Variants in CD163 observed in about 807,000 individuals in gnomAD.
CD163 encodes the protein scavenger receptor cysteine-rich type 1 protein M130.
Under a neutral mutation model 129.2 loss-of-function variants are expected in CD163, and 64 were observed. That is an observed-to-expected ratio of 0.50 (90% CI 0.41 to 0.61). The LOEUF is 0.61. Ranked by LOEUF, CD163 falls within the 20% of genes least tolerant of loss-of-function variation. CD163 has a pLI of 0.00. For synonymous variants in CD163, 446 were observed against 478.5 expected (o/e 0.93, Z 0.89); for missense variants, 1,061 against 1,377.9 (o/e 0.77, Z 3.64).
At position 7,486,979 on chromosome 12, in the gene CD163, C is replaced by T; in HGVS notation, c.2058G>A (p.Gln686=). ...QVASVICSGN[Q]SQTLSSCNSS... ...AATTGCACGAGGACAGTGTTTGGGA[C>T]TGGTTTCCTGCAAACACCAAGGTAC... The change falls in exon 9 of 17, where the codon CAG becomes CAA. Residue 686 remains glutamine, a synonymous_variant. Coordinates refer to ENST00000432237, the MANE Select transcript of CD163 (RefSeq NM_203416.4). The T allele has an allele frequency of 6.2e-7, 1 of 1,613,660 alleles. No individual in the cohort carries two copies. Among genetic ancestry groups the T allele is most frequent in the Admixed American group, 1.7e-5 (1 of 59,990 alleles).
Position 7,487,085 on chromosome 12 carries a change from A to G in CD163, c.2051-99T>C. 1 of 952,200 alleles carries G rather than the reference A, an allele frequency of 1.1e-6. No individual in the cohort carries two copies. The highest frequency in any genetic ancestry group is 1.6e-6 in the Non-Finnish European group (1 of 621,106). 59.0% of individuals were successfully genotyped at this position (952,200 alleles called of 1,614,324 possible). A position where few individuals can be genotyped will look rare whatever the true frequency, so the allele number is the denominator to read the frequency against. On this transcript the variant is annotated intron_variant, in intron 8 of 16. Transcript: ENST00000432237. The surrounding 1 kb of genome is among the most constrained non-coding windows in gnomAD (Gnocchi z 5.1). ...AGTTGAGGACAAACATAGCTTAGAG[A>G]GAGAGGGGAAGGTGGATGGTCAACA...
chr12:7,501,111 T>C (rs749241362), intron 3 of CD163, 28 bp downstream of exon 3: 2 of 1,598,556 alleles, frequency 1.3e-6, no homozygotes, highest in South Asian at 1.1e-5. Flanking sequence ...GGATTTTGTG[T>C]TGAGGCTTTG....
chr12:7,488,102 T>C lies in CD163; in HGVS notation c.1421-15A>G. ...TTCCCTGTGGGCTGAAAAATAAATA[T>C]TATTTCAGTGAGAGGTAATATGATT... On this transcript the variant is annotated splice_polypyrimidine_tract_variant and intron_variant, in intron 6 of 16. Coordinates refer to ENST00000432237, the MANE Select transcript of CD163 (RefSeq NM_203416.4). 2 of 1,580,408 alleles carry C rather than the reference T, an allele frequency of 1.3e-6. No individual in the cohort carries two copies. The highest frequency in any genetic ancestry group is 1.7e-6 in the Non-Finnish European group (2 of 1,163,404).
At chr12:7,493,311 C>T (rs935062092) in intron 6 of CD163, among the ~76,000 whole-genome samples, 13 of 152,124 alleles carry the variant, frequency 8.5e-5, no homozygotes, top group Non-Finnish European at 2.9e-5. Flanking sequence ...TGAAGGACAG[C>T]GGACAGAAGA....
In CD163 at chr12:7,502,503, A is replaced by G; in HGVS notation, c.108T>C (p.Ser36=). 1 of 1,603,232 alleles carries G rather than the reference A, an allele frequency of 6.2e-7. No homozygotes were observed. Among genetic ancestry groups the G allele is most frequent in the Non-Finnish European group, 8.5e-7 (1 of 1,170,434 alleles). Residue 36 remains serine (S), a synonymous_variant, in exon 2 of 17, where the codon AGT becomes AGC. Transcript: ENST00000432237. ...PFTITVVLLL[S]ACFVTSSLGG... is the part of the protein sequence containing the mutation. ...CAAGAGAACTGGTGACAAAACAGGCACTGAGAAGTAAGACCACAGTAATGG... is the reference window on the plus strand; with the variant it reads ...CAAGAGAACTGGTGACAAAACAGGCGCTGAGAAGTAAGACCACAGTAATGG...
chr12:7,500,765 T>A (rs149108653), intron 3 of CD163, among the ~76,000 whole-genome samples: 289 of 152,254 alleles, frequency 1.9e-3, no homozygotes, highest in African/African-American at 6.7e-3. Flanking sequence ...AATTTGTGGG[T>A]CAACATATCA....
chr12:7,492,936 A>C (rs896348568), intron 6 of CD163, among the ~76,000 whole-genome samples: 5 of 152,140 alleles, frequency 3.3e-5, no homozygotes, highest in Non-Finnish European at 5.9e-5. Flanking sequence ...TCCCAAACCC[A>C]CAGTTTCAAA....
chr12:7,499,308 G>C, intron 3 of CD163, 120 bp from the exon 4 acceptor site: 1 of 813,970 alleles, frequency 1.2e-6, no homozygotes, highest in South Asian at 1.7e-5. Context: ...CCTGATTTTG[G>C]ACATTGCCCA....
Position 7,496,849 on chromosome 12 carries a change from A to G in CD163, c.1063T>C (p.Cys355Arg). The G allele has an allele frequency of 6.2e-7, 1 of 1,614,144 alleles. No individual in the cohort carries two copies. Among genetic ancestry groups the G allele is most frequent in the Non-Finnish European group, 8.5e-7 (1 of 1,179,988 alleles). ...CKHHEWGKHY[C>R]NHNEDAGVTC... Reference sequence around the variant, plus strand: ...ACGCCAGCATCTTCATTGTGATTGCAATAATGCTTTCCCCATTCATGGTGT... The same window carrying G: ...ACGCCAGCATCTTCATTGTGATTGCGATAATGCTTTCCCCATTCATGGTGT... Residue 355 changes from cysteine to arginine, a missense_variant, in exon 5 of 17, where the codon TGC (cysteine) becomes CGC (arginine). Transcript: ENST00000432237. This position sits in a 1 kb window ranked among gnomAD's most constrained non-coding sequence, Gnocchi z 4.8.
chr12:7,489,071 G>A (rs934170191), intron 6 of CD163, among the ~76,000 whole-genome samples: 1 of 152,142 alleles, frequency 6.6e-6, no homozygotes, highest in Non-Finnish European at 1.5e-5. Flanking sequence ...GAAACATAGA[G>A]AGGTGAGGTG....
rs758178727 is a variant in CD163 at position 7,474,657 on chromosome 12, A to T, written c.*32-3260T>A. Among the ~76,000 whole-genome samples, 16 of 152,310 alleles carry T rather than the reference A, an allele frequency of 1.1e-4. No individual in the cohort carries two copies. The East Asian group carries it at 3.1e-3, about 29-fold the overall frequency. ...TTAGAATCAACACCCTAACATCACA[A>T]TTAAAAGAACTAGAGAAGTAAGAGC... On this transcript the variant is annotated intron_variant, in intron 16 of 16. Coordinates refer to ENST00000432237, the MANE Select transcript of CD163 (RefSeq NM_203416.4).
intron 15 of CD163, chr12:7,480,719 G>T: frequency 3.6e-6 from 1 of 275,558 alleles, no homozygotes; most frequent in Non-Finnish European, 5.5e-6. Flanking sequence ...GGGTAACTAT[G>T]TCAGATGATG....
intron 16 of CD163, among the ~76,000 whole-genome samples, chr12:7,475,212 G>C (rs1395364692): frequency 6.7e-6 from 1 of 149,540 alleles, no homozygotes; most frequent in Non-Finnish European, 1.5e-5. Flanking sequence ...AATAGAAAAA[G>C]AGAGACTCCT....
Position 7,488,098 on chromosome 12 carries a change from A to G in CD163, c.1421-11T>C. The G allele has an allele frequency of 1.3e-6, 2 of 1,589,434 alleles. No homozygotes were observed. Among genetic ancestry groups the G allele is most frequent in the African/African-American group, 1.3e-5 (1 of 74,280 alleles). On this transcript the variant is annotated splice_polypyrimidine_tract_variant and intron_variant, in intron 6 of 16. Coordinates refer to ENST00000432237, the MANE Select transcript of CD163 (RefSeq NM_203416.4). ...TGGGTTCCCTGTGGGCTGAAAAATAAATATTATTTCAGTGAGAGGTAATAT... is the reference window on the plus strand; with the variant it reads ...TGGGTTCCCTGTGGGCTGAAAAATAGATATTATTTCAGTGAGAGGTAATAT...
At chr12:7,495,519 T>G in intron 5 of CD163, 118 bp from the exon 6 acceptor site, 2 of 840,890 alleles carry the variant, frequency 2.4e-6, no homozygotes, top group African/African-American at 1.7e-5. Flanking sequence ...GGTAACTTAT[T>G]TCCTGACTTT....
intron 16 of CD163, among the ~76,000 whole-genome samples, chr12:7,478,062 C>A (rs1309412128): frequency 6.6e-6 from 1 of 151,840 alleles, no homozygotes; most frequent in Admixed American, 6.6e-5. Context: ...TTTTTAGTTG[C>A]CTAAACCGTC....
In CD163 at chr12:7,482,774, T is replaced by G. The variant is rs1213290451; in HGVS notation, c.3128-12A>C. ...ACGGGATGAGCGACCTAAGTAAAAG[T>G]AAATATCAAGAGATATGATCATGTC... On this transcript the variant is annotated splice_polypyrimidine_tract_variant and intron_variant, in intron 13 of 16. Coordinates refer to ENST00000432237, the MANE Select transcript of CD163 (RefSeq NM_203416.4). 7 of 1,613,468 alleles carry G rather than the reference T, an allele frequency of 4.3e-6. No homozygotes were observed. In the African/African-American group the frequency reaches 9.4e-5, roughly 22 times the overall value.
At chr12:7,478,252 A>G (rs1180228854) in intron 16 of CD163, among the ~76,000 whole-genome samples, 2 of 152,166 alleles carry the variant, frequency 1.3e-5, no homozygotes, top group African/African-American at 4.8e-5. Context: ...ATCTTTGAAA[A>G]TAATTTTTAA....
intron 16 of CD163, among the ~76,000 whole-genome samples, chr12:7,477,983 G>A (rs1004971213): frequency 1.3e-5 from 2 of 152,054 alleles, no homozygotes; most frequent in Non-Finnish European, 2.9e-5. Flanking sequence ...TTTTATAGAT[G>A]TAAGCATTGT....
Sources: gnomAD v4.1 joint callset for allele counts (sites outside exome capture counted in the v4.1 genomes callset) on GRCh38, gnomAD v4.1.1 for gene constraint, Gnocchi (gnomAD v3.1) non-coding constraint, MANE v1.5 for transcripts, NCBI Gene and HGNC (gene_info 2026-07-23, HGNC 2026-07-21) for gene names.